Variants in FBLN5 observed in about 807,000 individuals in gnomAD.
FBLN5 encodes the protein fibulin-5.
A neutral mutation model predicts 61.6 loss-of-function variants in FBLN5; 24 were observed. The observed-to-expected ratio is 0.39, with a 90% CI of 0.28 to 0.55. The LOEUF (loss-of-function observed/expected upper bound fraction) is 0.55. FBLN5 is among the 20% of genes least tolerant of loss of function. FBLN5 has a pLI of 0.65. For missense variants in FBLN5, 470 were observed against 594.1 expected, an observed-to-expected ratio of 0.79 and a Z score of 2.17; for synonymous variants, 213 against 219.8, an observed-to-expected ratio of 0.97 and a Z score of 0.27.
At chr14:91,931,785 T>G (rs1358332438) in intron 4 of FBLN5, among the ~76,000 whole-genome samples, 2 of 151,756 alleles carry the variant, frequency 1.3e-5, no homozygotes, top group African/African-American at 4.8e-5. Context: ...AGGGAATGAG[T>G]TGACAGAGTT....
intron 4 of FBLN5, among the ~76,000 whole-genome samples, chr14:91,925,807 ACCCAGCGTCTTGCTGGGTGCAGGACAG>A (rs2055818126): frequency 6.6e-6 from 1 of 152,198 alleles, no homozygotes; most frequent in African/African-American, 2.4e-5. Context: ...CTGCCGTGGT[ACCCAGCGTCTTGCTGGGTGCAGGACAG>A]CCACAGCGAC....
chr14:91,893,224 T>C (rs1272359852), intron 5 of FBLN5, among the ~76,000 whole-genome samples: 1 of 152,260 alleles, frequency 6.6e-6, no homozygotes, highest in Non-Finnish European at 1.5e-5. Flanking sequence ...GATGACATAA[T>C]ATTCAACATC....
chr14:91,906,240 C>A (rs924775822), intron 4 of FBLN5, among the ~76,000 whole-genome samples: 1 of 152,158 alleles, frequency 6.6e-6, no homozygotes, highest in Non-Finnish European at 1.5e-5. Flanking sequence ...CTGCCCTCTC[C>A]CCACGCTTCT....
Position 91,947,189 on chromosome 14 carries a change from A to G in FBLN5, c.17+24T>C. On this transcript the variant is annotated intron_variant, in intron 1 of 10. Coordinates refer to ENST00000342058, the MANE Select transcript of FBLN5 (RefSeq NM_006329.4). The surrounding 1 kb of genome is among the most constrained non-coding windows in gnomAD (Gnocchi z 4.3). ...CAAGGCTTCCAGACCCTGGAGAAAG[A>G]AAAGTCCAGCGCCGAGAACCCACCT... 6.2e-7 allele frequency: 1 copy of G among 1,614,162 alleles called. No homozygotes were observed. Among genetic ancestry groups the G allele is most frequent in the Non-Finnish European group, 8.5e-7 (1 of 1,179,972 alleles).
At chr14:91,890,790 C>T (rs990093898) in intron 6 of FBLN5, among the ~76,000 whole-genome samples, 1 of 152,108 alleles carries the variant, frequency 6.6e-6, no homozygotes, top group Non-Finnish European at 1.5e-5. Context: ...CCCACGACAC[C>T]CCTGCCTAGC....
intron 5 of FBLN5, 113 bp downstream of exon 5, chr14:91,894,837 C>A: frequency 3.1e-6 from 2 of 651,956 alleles, no homozygotes; most frequent in Non-Finnish European, 5.2e-6. Flanking sequence ...CCCGCCCTCC[C>A]TAGCAAAGAA....
At chr14:91,884,431 T>C (rs1056687880) in intron 7 of FBLN5, among the ~76,000 whole-genome samples, 1 of 152,200 alleles carries the variant, frequency 6.6e-6, no homozygotes, top group Non-Finnish European at 1.5e-5. Flanking sequence ...AGAGTAGTAG[T>C]GATGTCTGTC....
At chr14:91,905,185 G>A (rs1195194226) in intron 4 of FBLN5, among the ~76,000 whole-genome samples, 1 of 152,132 alleles carries the variant, frequency 6.6e-6, no homozygotes, top group Non-Finnish European at 1.5e-5. Context: ...CCTGCAGTGA[G>A]AAGACCCTGC....
intron 6 of FBLN5, among the ~76,000 whole-genome samples, chr14:91,889,853 G>A (rs186812422): frequency 1.7e-4 from 26 of 152,292 alleles, no homozygotes; most frequent in African/African-American, 5.8e-4. Flanking sequence ...TCTGCTCTTT[G>A]TCACACACCT....
At chr14:91,942,715 T>C (rs1270903489) in intron 2 of FBLN5, among the ~76,000 whole-genome samples, 192 bp downstream of exon 2, 1 of 152,068 alleles carries the variant, frequency 6.6e-6, no homozygotes, top group African/African-American at 2.4e-5. Flanking sequence ...CACTTACAAG[T>C]CATGTCACCT....
chr14:91,875,695 A>G lies in FBLN5; in HGVS notation c.1185+1792T>C, dbSNP rs148314265. On this transcript the variant is annotated intron_variant, in intron 10 of 10. Transcript: ENST00000342058. Reference sequence around the variant, plus strand: ...GCTCCTCCCCTGCCAGCCCTGGAGGAGCCAGGGCCAGCACTACCATTACCG... The same window carrying G: ...GCTCCTCCCCTGCCAGCCCTGGAGGGGCCAGGGCCAGCACTACCATTACCG... 5.7e-3 allele frequency among the ~76,000 whole-genome samples: 868 copies of G among 152,280 alleles called. 6 individuals carry two copies. Among genetic ancestry groups the G allele is most frequent in the Middle Eastern group, 0.01 (3 of 294 alleles).
At chr14:91,871,618 A>G (rs1888930982) in intron 10 of FBLN5, among the ~76,000 whole-genome samples, 1 of 152,164 alleles carries the variant, frequency 6.6e-6, no homozygotes, top group Non-Finnish European at 1.5e-5. Context: ...AGCATTTGGG[A>G]GGCCGAGGTG....
chr14:91,907,516 A>G (rs1050395276), intron 4 of FBLN5, among the ~76,000 whole-genome samples: 1 of 152,164 alleles, frequency 6.6e-6, no homozygotes, highest in African/African-American at 2.4e-5. Flanking sequence ...GCACAGAGAC[A>G]TGAGAGGCAC....
chr14:91,917,575 CAAAAAA>C (rs34458933), intron 4 of FBLN5, among the ~76,000 whole-genome samples: 70 of 63,472 alleles, frequency 1.1e-3, no homozygotes, highest in Non-Finnish European at 1.6e-3. Context: ...GACTCCATCT[CAAAAAA>C]AAAAAAAAAA....
At chr14:91,891,118 T>C in intron 6 of FBLN5, 103 bp downstream of exon 6, 1 of 782,628 alleles carries the variant, frequency 1.3e-6, no homozygotes, top group East Asian at 2.4e-5. Context: ...AATGGGAATA[T>C]ACTGTAGCAG....
intron 6 of FBLN5, among the ~76,000 whole-genome samples, chr14:91,890,488 G>A (rs1049589696): frequency 6.6e-6 from 1 of 152,206 alleles, no homozygotes; most frequent in Non-Finnish European, 1.5e-5. Flanking sequence ...GGGGGAAGTC[G>A]GGGGCCAAAG....
intron 4 of FBLN5, among the ~76,000 whole-genome samples, chr14:91,928,534 G>A (rs1022414876): frequency 6.6e-6 from 1 of 152,184 alleles, no homozygotes; most frequent in African/African-American, 2.4e-5. Context: ...CACTTTGGGA[G>A]GCCAAGGAAG....
chr14:91,917,913 T>C (rs1891263747), intron 4 of FBLN5, among the ~76,000 whole-genome samples: 1 of 152,242 alleles, frequency 6.6e-6, no homozygotes, highest in Non-Finnish European at 1.5e-5. Context: ...TTTTTCATGT[T>C]GAGGCACACA....
At chr14:91,899,636 G>A (rs1160192938) in intron 4 of FBLN5, among the ~76,000 whole-genome samples, 3 of 152,176 alleles carry the variant, frequency 2.0e-5, no homozygotes, top group Non-Finnish European at 4.4e-5. Context: ...CTTCCAAGGA[G>A]GCCATAGACA....
Sources: allele counts gnomAD v4.1 joint callset (sites outside exome capture counted in the v4.1 genomes callset), GRCh38; gene constraint gnomAD v4.1.1; non-coding constraint Gnocchi (gnomAD v3.1); transcripts MANE v1.5; gene names NCBI Gene and HGNC (gene_info 2026-07-23, HGNC 2026-07-21).